The following OR52B4 variants were observed in gnomAD, a reference collection of about 807,000 sequenced individuals.
The protein encoded by OR52B4 is olfactory receptor family 52 subfamily B member 4, also known as olfactory receptor 52B4.
For synonymous variants in OR52B4, 182 were observed against 142.3 expected (o/e 1.28, Z -1.98); for missense variants, 450 against 387.0 (o/e 1.16, Z -1.36).
Position 4,368,067 on chromosome 11 carries a change from TGGAGA to T in OR52B4, c.224_228del (p.Leu75HisfsTer37). On this transcript the variant is annotated frameshift_variant, in exon 1 of 1. Transcript: ENST00000624801. LOFTEE classifies it low-confidence loss of function (END_TRUNC). ...GCTAAGGCCTGAGGAATGGTGCACG[TGGAGA>T]GGACAATGTCTGCTCCAGCCAGCAT... 1 of 1,613,966 alleles carries T rather than the reference TGGAGA, an allele frequency of 6.2e-7. No individual in the cohort carries two copies. The highest frequency in any genetic ancestry group is 1.1e-5 in the South Asian group (1 of 91,084).
chr11:4,367,517 G>C lies in OR52B4; in HGVS notation c.779C>G (p.Thr260Arg), dbSNP rs376030013. The change falls in exon 1 of 1, where the codon ACA becomes AGA. Residue 260 changes from threonine to arginine, a missense_variant. Coordinates refer to ENST00000624801, the MANE Select transcript of OR52B4 (RefSeq NM_001005161.3). ...GCGTCCAAACCTCTGGGTAAGGATT[G>C]TGAAGATGCCAGACCCATAAAAGAG... ...IILFYGSGIF[T>R]ILTQRFGRHI... 32 of 1,613,940 alleles carry C rather than the reference G, an allele frequency of 2.0e-5. No homozygotes were observed. In the African/African-American group the frequency reaches 3.7e-4, roughly 19 times the overall value.
At position 4,368,023 on chromosome 11, in the gene OR52B4, A is replaced by G. The variant is rs751741966; in HGVS notation, c.273T>C (p.Ala91=). 6.8e-6 allele frequency: 11 copies of G among 1,613,962 alleles called. No individual in the cohort carries two copies. The African/African-American group carries it at 1.2e-4, about 18-fold the overall frequency. ...TGCAACGATCCAGGGAGATGTCCCC[A>G]GCACGGAACCAGAAGATAGCTAAGG... ...PQALAIFWFR[A]GDISLDRCIT... Residue 91 remains alanine, a synonymous_variant, in exon 1 of 1, where the codon GCT becomes GCC. Coordinates refer to ENST00000624801, the MANE Select transcript of OR52B4 (RefSeq NM_001005161.3).
chr11:4,368,065 C>T lies in OR52B4; in HGVS notation c.231G>A (p.Thr77=), dbSNP rs201832053. Reference sequence around the variant, plus strand: ...TAGCTAAGGCCTGAGGAATGGTGCACGTGGAGAGGACAATGTCTGCTCCAG... The same window carrying T: ...TAGCTAAGGCCTGAGGAATGGTGCATGTGGAGAGGACAATGTCTGCTCCAG... ...MLAGADIVLS[T]CTIPQALAIF... Residue 77 remains threonine (T), a synonymous_variant, in exon 1 of 1, where the codon ACG becomes ACA. Coordinates refer to ENST00000624801, the MANE Select transcript of OR52B4 (RefSeq NM_001005161.3). 6.6e-5 allele frequency: 106 copies of T among 1,613,846 alleles called. 1 individual carries two copies. In the African/African-American group the frequency reaches 8.4e-4, roughly 13 times the overall value.
chr11:4,367,870 C>T lies in OR52B4; in HGVS notation c.426G>A (p.Leu142=), dbSNP rs1332081509. The change falls in exon 1 of 1, where the codon CTG becomes CTA. Residue 142 remains leucine, a synonymous_variant. Transcript: ENST00000624801. Reference sequence around the variant, plus strand: ...AGACAGTCACACAAATTTTCTTGATCAGAGCATTTGTAAGAATGGTGGTGT... The same window carrying T: ...AGACAGTCACACAAATTTTCTTGATTAGAGCATTTGTAAGAATGGTGGTGT... ...LRYTTILTNA[L]IKKICVTVSL... 1.2e-6 allele frequency: 2 copies of T among 1,614,006 alleles called. No individual in the cohort carries two copies. The highest frequency in any genetic ancestry group is 4.5e-5 in the East Asian group (2 of 44,878).
In OR52B4 at chr11:4,367,894, G is replaced by A. The variant is rs2094936695; in HGVS notation, c.402C>T (p.Tyr134=). ...HYIAICYPLR[Y]TTILTNALIK... is the part of the protein sequence containing the mutation. ...TCAGAGCATTTGTAAGAATGGTGGT[G>A]TACCTCAGTGGGTAGCATATGGCAA... Residue 134 remains tyrosine, a synonymous_variant, in exon 1 of 1, where the codon TAC becomes TAT. Coordinates refer to ENST00000624801, the MANE Select transcript of OR52B4 (RefSeq NM_001005161.3). 6.2e-7 allele frequency: 1 copy of A among 1,613,954 alleles called. No individual in the cohort carries two copies. The highest frequency in any genetic ancestry group is 1.7e-5 in the Admixed American group (1 of 59,980).
rs1350408809 is a variant in OR52B4 at position 4,367,935 on chromosome 11, C to T, written c.361G>A (p.Ala121Thr). The T allele has an allele frequency of 6.2e-7, 1 of 1,613,932 alleles. No homozygotes were observed. The highest frequency in any genetic ancestry group is 1.3e-5 in the African/African-American group (1 of 74,998). ...ISESGILLVM[A>T]FDHYIAICYP... ...CATATGGCAATATAGTGGTCAAAGG[C>T]CATCACCAGCAAGATCCCTGACTCA... is the stretch of plus-strand genomic sequence containing the variant. The change falls in exon 1 of 1, where the codon GCC (alanine) becomes ACC (threonine). Residue 121 changes from alanine to threonine, a missense_variant. Physicochemically the swap from Ala to Thr is moderately conservative, Grantham distance 58. Transcript: ENST00000624801.
In OR52B4 at chr11:4,367,390, C is replaced by T; in HGVS notation, c.906G>A (p.Gln302=). The change falls in exon 1 of 1, where the codon CAG becomes CAA. Residue 302 remains glutamine, a synonymous_variant. Coordinates refer to ENST00000624801, the MANE Select transcript of OR52B4 (RefSeq NM_001005161.3). ...TAAACAAAAACTGAACCACCTGTTC[C>T]TGGATTTGCTTGGTTTTGATCCCAT... The part of the protein sequence containing the change: ...IIYGIKTKQI[Q]EQVVQFLFIK... 9.3e-6 allele frequency: 15 copies of T among 1,608,490 alleles called. No homozygotes were observed. The highest frequency in any genetic ancestry group is 2.2e-5 in the East Asian group (1 of 44,694).
chr11:4,368,314 G>C lies in OR52B4; in HGVS notation c.-19C>G, dbSNP rs2094937367. On this transcript the variant is annotated 5_prime_UTR_variant, in exon 1 of 1. Transcript: ENST00000624801. ...TAGGCATAGCTGGGGAGAACTTTCAGAACCTCACCTCCTACTCACAGAGGT... is the reference window on the plus strand; with the variant it reads ...TAGGCATAGCTGGGGAGAACTTTCACAACCTCACCTCCTACTCACAGAGGT... 7.4e-7 allele frequency: 1 copy of C among 1,344,808 alleles called. No individual in the cohort carries two copies. Among genetic ancestry groups the C allele is most frequent in the Non-Finnish European group, 1.1e-6 (1 of 946,722 alleles). The allele number at this position is 1,344,808 out of a possible 1,614,324, so 83.3% of individuals were successfully genotyped here. A position where few individuals can be genotyped will look rare whatever the true frequency, so the allele number is the denominator to read the frequency against.
chr11:4,367,627 A>T lies in OR52B4; in HGVS notation c.669T>A (p.Ile223=). The T allele has an allele frequency of 6.2e-7, 1 of 1,614,102 alleles. No individual in the cohort carries two copies. The highest frequency in any genetic ancestry group is 1.3e-5 in the African/African-American group (1 of 75,030). The change falls in exon 1 of 1, where the codon ATT becomes ATA. Residue 223 remains isoleucine, a synonymous_variant. Transcript: ENST00000624801. ...AAGGCATGTGGAAGACAGCATGGAG[A>T]ATCAGCATATAGGAAATAAAAATTA... is the stretch of plus-strand genomic sequence containing the variant. ...VVLIFISYML[I]LHAVFHMPSP... is the part of the protein sequence containing the mutation.
Position 4,367,682 on chromosome 11 carries a change from A to C in OR52B4, c.614T>G (p.Leu205Arg). The C allele has an allele frequency of 1.9e-6, 3 of 1,613,870 alleles. No homozygotes were observed. Among genetic ancestry groups the C allele is most frequent in the Non-Finnish European group, 2.5e-6 (3 of 1,179,792 alleles). ...RINIWYGFSI[L>R]MSTVVLDVVL... The stretch of plus-strand genomic sequence containing the variant: ...AACATCTAAGACCACCGTCGACATT[A>C]GAATGGAAAACCCATACCAAATGTT... The change falls in exon 1 of 1, where the codon CTA becomes CGA. Residue 205 changes from leucine to arginine, a missense_variant. Transcript: ENST00000624801.
chr11:4,368,321 A>C lies in OR52B4; in HGVS notation c.-26T>G. The stretch of plus-strand genomic sequence containing the variant: ...AGCTGGGGAGAACTTTCAGAACCTC[A>C]CCTCCTACTCACAGAGGTAGAAGAA... On this transcript the variant is annotated 5_prime_UTR_variant, in exon 1 of 1. An upstream open reading frame in the 5' UTR loses its in-frame stop. Coordinates refer to ENST00000624801, the MANE Select transcript of OR52B4 (RefSeq NM_001005161.3). 2.4e-6 allele frequency: 3 copies of C among 1,254,324 alleles called. No homozygotes were observed. The highest frequency in any genetic ancestry group is 3.5e-6 in the Non-Finnish European group (3 of 868,800). The allele number at this position is 1,254,324 out of a possible 1,614,324, so 77.7% of individuals were successfully genotyped here.
In OR52B4 at chr11:4,367,623, G is replaced by A; in HGVS notation, c.673C>T (p.His225Tyr). 1 of 1,614,004 alleles carries A rather than the reference G, an allele frequency of 6.2e-7. No homozygotes were observed. ...GGAGAAGGCATGTGGAAGACAGCAT[G>A]GAGAATCAGCATATAGGAAATAAAA... is the stretch of plus-strand genomic sequence containing the variant. Reference protein sequence around the residue: ...LIFISYMLILHAVFHMPSPDA... With the variant: ...LIFISYMLILYAVFHMPSPDA... Residue 225 changes from histidine to tyrosine, a missense_variant, in exon 1 of 1, where the codon CAT (histidine) becomes TAT (tyrosine). His to Tyr is a moderately conservative substitution (Grantham distance 83). Coordinates refer to ENST00000624801, the MANE Select transcript of OR52B4 (RefSeq NM_001005161.3).
At position 4,367,700 on chromosome 11, in the gene OR52B4, C is replaced by T; in HGVS notation, c.596G>A (p.Trp199Ter). 6.2e-7 allele frequency: 1 copy of T among 1,613,610 alleles called. No homozygotes were observed. Among genetic ancestry groups the T allele is most frequent in the African/African-American group, 1.3e-5 (1 of 75,012 alleles). Residue 199 changes from tryptophan to a stop codon, truncating the protein, a stop_gained, in exon 1 of 1, where the codon TGG becomes TAG. Transcript: ENST00000624801. LOFTEE classifies it low-confidence loss of function (END_TRUNC). ...YACNDIRINI[W>*]YGFSILMSTV... is the part of the protein sequence containing the mutation. ...CGACATTAGAATGGAAAACCCATAC[C>T]AAATGTTTATTCGAATGTCATTACA...
chr11:4,368,077 A>G lies in OR52B4; in HGVS notation c.219T>C (p.Ile73=). Residue 73 remains isoleucine, a synonymous_variant, in exon 1 of 1, where the codon ATT becomes ATC. Coordinates refer to ENST00000624801, the MANE Select transcript of OR52B4 (RefSeq NM_001005161.3). The part of the protein sequence containing the change: ...LFLCMLAGAD[I]VLSTCTIPQA... ...GAGGAATGGTGCACGTGGAGAGGAC[A>G]ATGTCTGCTCCAGCCAGCATGCAGA... 1 of 1,614,006 alleles carries G rather than the reference A, an allele frequency of 6.2e-7. No homozygotes were observed.
In OR52B4 at chr11:4,368,087, C is replaced by G. The variant is rs1196780643; in HGVS notation, c.209G>C (p.Gly70Ala). ...GCACGTGGAGAGGACAATGTCTGCT[C>G]CAGCCAGCATGCAGAGGAAGAGGTA... The part of the protein sequence containing the change: ...PMYLFLCMLA[G>A]ADIVLSTCTI... Residue 70 changes from glycine to alanine, a missense_variant, in exon 1 of 1, where the codon GGA becomes GCA. Physicochemically the swap from Gly to Ala is moderately conservative, Grantham distance 60. Coordinates refer to ENST00000624801, the MANE Select transcript of OR52B4 (RefSeq NM_001005161.3). The G allele has an allele frequency of 3.1e-6, 5 of 1,613,802 alleles. No homozygotes were observed. Among genetic ancestry groups the G allele is most frequent in the African/African-American group, 2.7e-5 (2 of 74,904 alleles).
At position 4,368,149 on chromosome 11, in the gene OR52B4, G is replaced by A; in HGVS notation, c.147C>T (p.Phe49=). Reference sequence around the variant, plus strand: ...GGAGGCTGCGCTTTGTGAGGATAATGAAGATGAGCAGGCTGTTCCCAAGAA... The same window carrying A: ...GGAGGCTGCGCTTTGTGAGGATAATAAAGATGAGCAGGCTGTTCCCAAGAA... ...TALLGNSLLI[F]IILTKRSLHE... The change falls in exon 1 of 1, where the codon TTC becomes TTT. Residue 49 remains phenylalanine, a synonymous_variant. Coordinates refer to ENST00000624801, the MANE Select transcript of OR52B4 (RefSeq NM_001005161.3). 1 of 1,611,900 alleles carries A rather than the reference G, an allele frequency of 6.2e-7. No homozygotes were observed. Among genetic ancestry groups the A allele is most frequent in the Non-Finnish European group, 8.5e-7 (1 of 1,179,376 alleles).
chr11:4,368,341 G>A lies in OR52B4; in HGVS notation c.-46C>T, dbSNP rs2094937404. Reference sequence around the variant, plus strand: ...ACCTCACCTCCTACTCACAGAGGTAGAAGAAGATAAAATCTGCAACATTCT... The same window carrying A: ...ACCTCACCTCCTACTCACAGAGGTAAAAGAAGATAAAATCTGCAACATTCT... On this transcript the variant is annotated 5_prime_UTR_variant, in exon 1 of 1. Coordinates refer to ENST00000624801, the MANE Select transcript of OR52B4 (RefSeq NM_001005161.3). 2.0e-6 allele frequency: 2 copies of A among 1,019,754 alleles called. No homozygotes were observed. Among genetic ancestry groups the A allele is most frequent in the Middle Eastern group, 2.2e-4 (1 of 4,644 alleles). 63.2% of individuals were successfully genotyped at this position (1,019,754 alleles called of 1,614,324 possible). A position where few individuals can be genotyped will look rare whatever the true frequency, so the allele number is the denominator to read the frequency against.
In OR52B4 at chr11:4,368,034, A is replaced by T; in HGVS notation, c.262T>A (p.Trp88Arg). ...CTIPQALAIF[W>R]FRAGDISLDR... is the part of the protein sequence containing the mutation. The stretch of plus-strand genomic sequence containing the variant: ...AGGGAGATGTCCCCAGCACGGAACC[A>T]GAAGATAGCTAAGGCCTGAGGAATG... The change falls in exon 1 of 1, where the codon TGG becomes AGG. Residue 88 changes from tryptophan (W) to arginine (R), a missense_variant. By Grantham distance (101) the Trp-to-Arg change is moderately radical. Coordinates refer to ENST00000624801, the MANE Select transcript of OR52B4 (RefSeq NM_001005161.3). 1 of 1,614,108 alleles carries T rather than the reference A, an allele frequency of 6.2e-7. No individual in the cohort carries two copies. Among genetic ancestry groups the T allele is most frequent in the Admixed American group, 1.7e-5 (1 of 59,982 alleles).
In OR52B4 at chr11:4,367,493, C is replaced by A. The variant is rs773531327; in HGVS notation, c.803G>T (p.Arg268Leu). 3.7e-6 allele frequency: 6 copies of A among 1,613,720 alleles called. No individual in the cohort carries two copies. Among genetic ancestry groups the A allele is most frequent in the Admixed American group, 3.3e-5 (2 of 59,968 alleles). The change falls in exon 1 of 1, where the codon CGC becomes CTC. Residue 268 changes from arginine (R) to leucine (L), a missense_variant. Coordinates refer to ENST00000624801, the MANE Select transcript of OR52B4 (RefSeq NM_001005161.3). ...IFTILTQRFG[R>L]HIPPCIHIPL... is the part of the protein sequence containing the mutation. ...GATGTGGATACAAGGTGGAATGTGG[C>A]GTCCAAACCTCTGGGTAAGGATTGT...
Sources: gnomAD v4.1 joint callset for allele counts on GRCh38, gnomAD v4.1.1 for gene constraint, MANE v1.5 for transcripts, NCBI Gene and HGNC (gene_info 2026-07-23, HGNC 2026-07-21) for gene names.